The following MYO1E variants were observed in gnomAD, a reference collection of about 807,000 sequenced individuals.
MYO1E encodes the protein myosin IE, also known as unconventional myosin-Ie.
MYO1E carries 68 observed loss-of-function variants against 151.1 expected under a neutral mutation model. The observed-to-expected ratio is 0.45, with a 90% CI of 0.37 to 0.55. MYO1E has a LOEUF of 0.55. Among genes scored for constraint, MYO1E ranks in the 20% least tolerant of loss-of-function variants. The probability of loss-of-function intolerance (pLI) is 0.00; values close to 1 mark genes in which losing one functional copy is unlikely to be tolerated. For missense variants in MYO1E, 1,363 were observed against 1,389.3 expected (o/e 0.98, Z 0.30); for synonymous variants, 601 against 501.7 (o/e 1.20, Z -2.64).
At chr15:59,370,341 G>T (rs1226248910) in intron 1 of MYO1E, among the ~76,000 whole-genome samples, 1 of 152,186 alleles carries the variant, frequency 6.6e-6, no homozygotes, top group Non-Finnish European at 1.5e-5. Context: ...CTATTCTAAG[G>T]CAACTTCACA....
chr15:59,349,703 C>T (rs772753753), intron 1 of MYO1E, among the ~76,000 whole-genome samples: 1 of 152,124 alleles, frequency 6.6e-6, no homozygotes, highest in Non-Finnish European at 1.5e-5. Flanking sequence ...TGCCATCCAT[C>T]CCTCCCCAAA....
intron 1 of MYO1E, among the ~76,000 whole-genome samples, chr15:59,308,671 CAAA>C (rs36088204): frequency 0.12 from 14,561 of 124,456 alleles, 986 homozygotes; most frequent in East Asian, 0.36. Context: ...GACACCATCT[CAAA>C]AAAAAAAAAA....
At chr15:59,341,358 G>A (rs1290675833) in intron 1 of MYO1E, 1 of 151,818 alleles carries the variant, frequency 6.6e-6, no homozygotes, top group African/African-American at 2.4e-5. Flanking sequence ...TCCTTGCTCA[G>A]GAGCCATGCT....
chr15:59,323,563 G>C (rs899682843), intron 1 of MYO1E, among the ~76,000 whole-genome samples: 18 of 151,964 alleles, frequency 1.2e-4, no homozygotes, highest in Admixed American at 2.0e-4. Flanking sequence ...GGCTGAGGCA[G>C]GAGAATGGCA....
chr15:59,220,337 T>C (rs554548842), intron 9 of MYO1E, among the ~76,000 whole-genome samples: 1 of 152,264 alleles, frequency 6.6e-6, no homozygotes, highest in East Asian at 1.9e-4. Context: ...TAATCCCAGC[T>C]ACTTGGGAGG....
chr15:59,365,074 C>T (rs1334964092), intron 1 of MYO1E, among the ~76,000 whole-genome samples: 1 of 151,264 alleles, frequency 6.6e-6, no homozygotes, highest in African/African-American at 2.4e-5. Context: ...GGCTGTAGTG[C>T]AATGGTGTGA....
At chr15:59,202,429 G>T in intron 15 of MYO1E, 22 bp from the exon 16 acceptor site, 2 of 1,604,022 alleles carry the variant, frequency 1.2e-6, no homozygotes, top group South Asian at 1.1e-5. Context: ...GAAAGAGAAT[G>T]AATTAACAAT....
intron 6 of MYO1E, among the ~76,000 whole-genome samples, chr15:59,228,890 C>A (rs1217352082): frequency 6.6e-6 from 1 of 152,150 alleles, no homozygotes; most frequent in Non-Finnish European, 1.5e-5. Flanking sequence ...CAAGAAAGAC[C>A]ACCGAAGGCG....
intron 17 of MYO1E, 51 bp from the exon 18 acceptor site, chr15:59,188,267 T>C (rs1266827221): frequency 3.4e-6 from 5 of 1,474,862 alleles, no homozygotes; most frequent in Non-Finnish European, 4.7e-6. Flanking sequence ...ATCCTTTCAC[T>C]CGTGTTCTTA....
intron 6 of MYO1E, among the ~76,000 whole-genome samples, chr15:59,230,418 T>C (rs1173057089): frequency 6.6e-6 from 1 of 152,008 alleles, no homozygotes; most frequent in Non-Finnish European, 1.5e-5. Flanking sequence ...TCAATGAAAA[T>C]ATCAATTTAA....
intron 22 of MYO1E, 116 bp downstream of exon 22, chr15:59,171,781 T>C: frequency 7.6e-7 from 1 of 1,320,024 alleles, no homozygotes; most frequent in Non-Finnish European, 1.1e-6. Context: ...ATTCTCTTGA[T>C]CATGATTTTG....
chr15:59,134,110 A>G lies in MYO1E; in HGVS notation c.*3270T>C, dbSNP rs1181807939. ...CCCCTTGAGTTGAGGCCACATGACT[A>G]AGCTCTGGCCAGCAGAATATTGGTG... On this transcript the variant is annotated 3_prime_UTR_variant, in exon 28 of 28. Coordinates refer to ENST00000288235, the MANE Select transcript of MYO1E (RefSeq NM_004998.4). 1.3e-5 allele frequency: 2 copies of G among 152,292 alleles called. No individual in the cohort carries two copies. Among genetic ancestry groups the G allele is most frequent in the Admixed American group, 1.3e-4 (2 of 15,272 alleles). The allele number at this position is 152,292 out of a possible 1,614,324, so 9.4% of individuals were successfully genotyped here. A position where few individuals can be genotyped will look rare whatever the true frequency, so the allele number is the denominator to read the frequency against.
chr15:59,275,556 G>A (rs2080313473), intron 1 of MYO1E, among the ~76,000 whole-genome samples: 1 of 152,068 alleles, frequency 6.6e-6, no homozygotes, highest in African/African-American at 2.4e-5. Context: ...ACTGTAAACT[G>A]CCCAAGGTTT....
chr15:59,232,205 C>T (rs1285673611), intron 5 of MYO1E, among the ~76,000 whole-genome samples: 2 of 152,236 alleles, frequency 1.3e-5, no homozygotes, highest in Non-Finnish European at 2.9e-5. Context: ...CCCATCTCCA[C>T]CTGCTTCACT....
chr15:59,223,013 G>C, intron 9 of MYO1E, 46 bp downstream of exon 9: 1 of 1,612,386 alleles, frequency 6.2e-7, no homozygotes, highest in Admixed American at 1.7e-5. Flanking sequence ...CTTCTAATCA[G>C]AGCTAGCCAC....
chr15:59,194,662 G>A (rs1596359791), intron 17 of MYO1E, among the ~76,000 whole-genome samples: 1 of 152,190 alleles, frequency 6.6e-6, no homozygotes, highest in East Asian at 1.9e-4. Context: ...GGTCCTCTCT[G>A]TAGTTTAAGT....
chr15:59,161,443 G>A (rs192516852), intron 23 of MYO1E, among the ~76,000 whole-genome samples: 2 of 152,338 alleles, frequency 1.3e-5, no homozygotes, highest in East Asian at 1.9e-4. Context: ...AGCATCTGGG[G>A]CCCGGTACCG....
chr15:59,291,044 C>T (rs73425002), intron 1 of MYO1E, among the ~76,000 whole-genome samples: 6,626 of 152,150 alleles, frequency 0.044, 446 homozygotes, highest in African/African-American at 0.14. Context: ...GAATAGAAAA[C>T]AGAAGTCAAC....
intron 1 of MYO1E, among the ~76,000 whole-genome samples, chr15:59,315,515 G>A (rs1312226224): frequency 6.7e-6 from 1 of 148,176 alleles, no homozygotes; most frequent in African/African-American, 2.5e-5. Flanking sequence ...TAACAAACCT[G>A]TACATCTTGC....
Sources: allele counts gnomAD v4.1 joint callset (sites outside exome capture counted in the v4.1 genomes callset), GRCh38; gene constraint gnomAD v4.1.1; transcripts MANE v1.5; gene names NCBI Gene and HGNC (gene_info 2026-07-23, HGNC 2026-07-21).